STIL: variants seen among roughly 807,000 people sequenced by gnomAD.
The protein encoded by STIL is SCL-interrupting locus protein.
A neutral mutation model predicts 110.1 loss-of-function variants in STIL; 55 were observed. That is an observed-to-expected ratio of 0.50 (90% CI 0.40 to 0.63). The LOEUF is 0.63. Among genes scored for constraint, STIL ranks in the 20% least tolerant of loss-of-function variants. The pLI is 0.00. For missense variants in STIL, 1,358 were observed against 1,530.0 expected (o/e 0.89, Z 1.87); for synonymous variants, 481 against 530.0 (o/e 0.91, Z 1.27).
chr1:47,253,027 G>A (rs2148637711), intron 16 of STIL, among the ~76,000 whole-genome samples: 1 of 152,134 alleles, frequency 6.6e-6, no homozygotes, highest in East Asian at 1.9e-4. Flanking sequence ...ACAGACTCAG[G>A]CTGCTCTCAA....
rs189987230 is a variant in STIL at position 47,265,001 on chromosome 1, C to T, written c.2616-1885G>A. 2.2e-3 allele frequency among the ~76,000 whole-genome samples: 327 copies of T among 148,760 alleles called. 1 individual carries two copies. Among genetic ancestry groups the T allele is most frequent in the African/African-American group, 7.6e-3 (308 of 40,510 alleles). ...CTTTAATCCCAGCACTTTGGGAGGCCGAGACAAGCAGATCACTTGAGGTCA... is the reference window on the plus strand; with the variant it reads ...CTTTAATCCCAGCACTTTGGGAGGCTGAGACAAGCAGATCACTTGAGGTCA... On this transcript the variant is annotated intron_variant, in intron 14 of 16. Transcript: ENST00000371877.
chr1:47,299,873 C>T, intron 6 of STIL, 32 bp downstream of exon 6: 6 of 1,597,796 alleles, frequency 3.8e-6, no homozygotes, highest in Non-Finnish European at 5.1e-6. Flanking sequence ...ACTAATGCAA[C>T]TAACATTTAG....
chr1:47,311,599 T>C (rs1270671189), intron 1 of STIL, among the ~76,000 whole-genome samples: 4 of 152,188 alleles, frequency 2.6e-5, no homozygotes, highest in African/African-American at 9.6e-5. Flanking sequence ...TTCAAATCCA[T>C]ATTTCTAACT....
chr1:47,275,019 G>A (rs1056496875), intron 12 of STIL, among the ~76,000 whole-genome samples: 3 of 151,804 alleles, frequency 2.0e-5, no homozygotes, highest in African/African-American at 7.3e-5. Context: ...GGGCATGGTG[G>A]CACACGGCTG....
intron 14 of STIL, among the ~76,000 whole-genome samples, chr1:47,265,664 C>T (rs1644628712): frequency 6.6e-6 from 1 of 151,514 alleles, no homozygotes; most frequent in Non-Finnish European, 1.5e-5. Flanking sequence ...GCCTGTAATC[C>T]TAGCTACTTG....
intron 2 of STIL, among the ~76,000 whole-genome samples, chr1:47,306,349 C>T (rs1411375506): frequency 6.7e-6 from 1 of 149,970 alleles, no homozygotes; most frequent in Non-Finnish European, 1.5e-5. Flanking sequence ...TCACTGCAGC[C>T]TTAAACTCCT....
intron 14 of STIL, among the ~76,000 whole-genome samples, chr1:47,269,132 A>C (rs1316508953): frequency 6.6e-6 from 1 of 151,918 alleles, no homozygotes; most frequent in Non-Finnish European, 1.5e-5. Flanking sequence ...TCTGGAACCT[A>C]ATATTATCAG....
intron 3 of STIL, among the ~76,000 whole-genome samples, chr1:47,302,591 G>A (rs1645837589): frequency 6.6e-6 from 1 of 152,138 alleles, no homozygotes; most frequent in African/African-American, 2.4e-5. Flanking sequence ...ACCTCAGCAG[G>A]TAGGTCTCCT....
In STIL at chr1:47,262,929, T is replaced by C; in HGVS notation, c.2803A>G (p.Asn935Asp). 6.2e-7 allele frequency: 1 copy of C among 1,614,220 alleles called. No homozygotes were observed. Among genetic ancestry groups the C allele is most frequent in the African/African-American group, 1.3e-5 (1 of 75,066 alleles). Residue 935 changes from asparagine (N) to aspartate (D), a missense_variant, in exon 15 of 17, where the codon AAC becomes GAC. Asn to Asp is a conservative substitution (Grantham distance 23). Coordinates refer to ENST00000371877, the MANE Select transcript of STIL (RefSeq NM_001048166.1). Reference sequence around the variant, plus strand: ...AATAAATCCTGGTAAATTTTCTGGTTATCTGATGGTTGATGAAGCAAGGGT... The same window carrying C: ...AATAAATCCTGGTAAATTTTCTGGTCATCTGATGGTTGATGAAGCAAGGGT... The part of the protein sequence containing the change: ...MQPLLHQPSD[N>D]QKIYQDLLGQ...
chr1:47,260,755 G>A (rs993539175), intron 15 of STIL, among the ~76,000 whole-genome samples: 5 of 152,152 alleles, frequency 3.3e-5, no homozygotes, highest in African/African-American at 1.2e-4. Flanking sequence ...TGTAGTTCCA[G>A]CTACTTAGGA....
At chr1:47,254,213 T>C (rs79914511) in intron 16 of STIL, among the ~76,000 whole-genome samples, 1 of 118,148 alleles carries the variant, frequency 8.5e-6, no homozygotes, top group East Asian at 2.2e-4. Flanking sequence ...AAAAAAAAAT[T>C]CTCTGAAACC....
intron 12 of STIL, among the ~76,000 whole-genome samples, chr1:47,277,154 A>C (rs901020198): frequency 6.6e-6 from 1 of 152,198 alleles, no homozygotes; most frequent in African/African-American, 2.4e-5. Context: ...AATGATGAGA[A>C]GGAAATAGCC....
intron 10 of STIL, among the ~76,000 whole-genome samples, chr1:47,286,677 G>C (rs1315024208): frequency 4.0e-5 from 6 of 151,884 alleles, no homozygotes; most frequent in Non-Finnish European, 8.8e-5. Context: ...CTGGGCGACA[G>C]AGCGAGGCTC....
chr1:47,251,772 C>A lies in STIL; in HGVS notation c.3231G>T (p.Gln1077His). The A allele has an allele frequency of 6.2e-7, 1 of 1,613,586 alleles. No homozygotes were observed. Among genetic ancestry groups the A allele is most frequent in the East Asian group, 2.2e-5 (1 of 44,876 alleles). The change falls in exon 17 of 17, where the codon CAG becomes CAT. Residue 1077 changes from glutamine (Q) to histidine (H), a missense_variant. Coordinates refer to ENST00000371877, the MANE Select transcript of STIL (RefSeq NM_001048166.1). ...ATCGAGTGACAGACAGTTGTGACAG[C>A]TGATTTTCATTTAAATATTTCAGAG... Reference protein sequence around the residue: ...AIALKYLNENQLSQLSVTRSN... With the variant: ...AIALKYLNENHLSQLSVTRSN...
chr1:47,265,603 AAACCCCGTCTCTAC>A (rs1274661588), intron 14 of STIL, among the ~76,000 whole-genome samples: 1 of 151,860 alleles, frequency 6.6e-6, no homozygotes, highest in Non-Finnish European at 1.5e-5. Context: ...CAACATGGAG[AAACCCCGTCTCTAC>A]TAAAAATACA....
At chr1:47,300,281 ACAGC>A in intron 5 of STIL, 129 bp from the exon 6 acceptor site, 1 of 926,522 alleles carries the variant, frequency 1.1e-6, no homozygotes, top group Non-Finnish European at 1.6e-6. Flanking sequence ...GTTCTGATTT[ACAGC>A]ATTTCAGTTC....
chr1:47,278,991 A>G (rs61782711), intron 12 of STIL, among the ~76,000 whole-genome samples: 2,937 of 152,232 alleles, frequency 0.019, 37 homozygotes, highest in Non-Finnish European at 0.032. Flanking sequence ...TATAAAACAA[A>G]GATTTTTTAA....
chr1:47,282,213 CAT>C (rs1190429720), intron 11 of STIL, 130 bp downstream of exon 11: 5 of 659,784 alleles, frequency 7.6e-6, no homozygotes, highest in Non-Finnish European at 1.4e-5. Flanking sequence ...TAGATATAAC[CAT>C]AGAGATAGAA....
At chr1:47,270,803 C>T (rs1327473954) in intron 13 of STIL, among the ~76,000 whole-genome samples, 2 of 151,550 alleles carry the variant, frequency 1.3e-5, no homozygotes, top group South Asian at 4.2e-4. Context: ...CTCAGCTTCC[C>T]GAGTAGCTGG....
Sources: gnomAD v4.1 joint callset for allele counts (sites outside exome capture counted in the v4.1 genomes callset) on GRCh38, gnomAD v4.1.1 for gene constraint, MANE v1.5 for transcripts, NCBI Gene and HGNC (gene_info 2026-07-23, HGNC 2026-07-21) for gene names.